NT5DC3: variants seen among roughly 807,000 people sequenced by gnomAD.
NT5DC3 encodes the protein 5'-nucleotidase domain-containing protein 3.
In NT5DC3, 42 loss-of-function variants were observed where a neutral mutation model predicts 67.8. The ratio of observed to expected loss-of-function variants is 0.62; its 90% CI spans 0.48 to 0.80. The LOEUF (loss-of-function observed/expected upper bound fraction) is 0.80, where lower values mean the gene tolerates loss of function less well. Among genes scored for constraint, NT5DC3 ranks in the 30% least tolerant of loss-of-function variants. The pLI, the probability that NT5DC3 is intolerant of heterozygous loss-of-function variation, is 0.00. For synonymous variants in NT5DC3, 237 were observed against 255.6 expected (o/e 0.93, Z 0.69); for missense variants, 570 against 696.4 (o/e 0.82, Z 2.04).
At chr12:103,763,555 T>C in the NT5DC3 span, 1 of 1,614,062 alleles carries the variant, frequency 6.2e-7, no homozygotes, top group African/African-American at 1.3e-5. Context: ...CTCGAACCCC[T>C]TGTATGAGAG....
chr12:103,766,203 C>A, downstream of NT5DC3: 1 of 1,564,658 alleles, frequency 6.4e-7, no homozygotes, highest in Non-Finnish European at 8.8e-7. Flanking sequence ...AGAGTCATGC[C>A]TCAGACCAGT....
At chr12:103,839,669 TG>T (rs1415007008) in intron 1 of NT5DC3, among the ~76,000 whole-genome samples, 1 of 152,222 alleles carries the variant, frequency 6.6e-6, no homozygotes, top group Admixed American at 6.5e-5. Context: ...TCTTAAGACC[TG>T]CAAAATTCCC....
chr12:103,796,853 G>C, intron 6 of NT5DC3, 41 bp downstream of exon 6: 1 of 1,611,378 alleles, frequency 6.2e-7, no homozygotes, highest in Non-Finnish European at 8.5e-7. Context: ...TGAAAAGGCT[G>C]AAACAGACTC....
At chr12:103,753,761 G>C in the NT5DC3 span, among the ~76,000 whole-genome samples, 3 of 152,194 alleles carry the variant, frequency 2.0e-5, no homozygotes, top group Admixed American at 2.0e-4. Flanking sequence ...AGGCAGAAGT[G>C]GAGACTGGAA....
At chr12:103,816,361 C>T (rs1887252391) in intron 1 of NT5DC3, among the ~76,000 whole-genome samples, 2 of 152,212 alleles carry the variant, frequency 1.3e-5, no homozygotes, top group African/African-American at 4.8e-5. Flanking sequence ...TTTAGATTTT[C>T]AGATCAGGTA....
downstream of NT5DC3, chr12:103,768,835 A>G (rs1405923624): frequency 1.3e-5 from 2 of 151,632 alleles, no homozygotes; most frequent in African/African-American, 4.9e-5. Flanking sequence ...CGAAAACACA[A>G]CTCCACATTA....
the NT5DC3 span, chr12:103,755,104 G>A: frequency 7.7e-3 from 4,860 of 632,886 alleles, 198 homozygotes; most frequent in African/African-American, 0.079. Flanking sequence ...AGAAAGAGAG[G>A]ACACTTTTGT....
chr12:103,758,585 C>T, the NT5DC3 span, among the ~76,000 whole-genome samples: 2 of 152,214 alleles, frequency 1.3e-5, no homozygotes, highest in African/African-American at 4.8e-5. Context: ...AGAGTAGGCC[C>T]TGTCCCAACA....
chr12:103,833,575 C>T lies in NT5DC3; in HGVS notation c.208+7374G>A, dbSNP rs576839345. On this transcript the variant is annotated intron_variant, in intron 1 of 13. Transcript: ENST00000392876. ...TTGACTGATTAGTAAATGGTCTCCACCCAGAACTTTGAATAAATCTTTCAA... is the reference window on the plus strand; with the variant it reads ...TTGACTGATTAGTAAATGGTCTCCATCCAGAACTTTGAATAAATCTTTCAA... Among the ~76,000 whole-genome samples, 4 of 152,194 alleles carry T rather than the reference C, an allele frequency of 2.6e-5. No individual in the cohort carries two copies. The South Asian group carries it at 8.3e-4, about 32-fold the overall frequency.
the NT5DC3 span, among the ~76,000 whole-genome samples, chr12:103,759,971 T>C: frequency 6.6e-6 from 1 of 152,204 alleles, no homozygotes; most frequent in African/African-American, 2.4e-5. Context: ...AATAAAGAGC[T>C]TTAGGCTAAG....
the NT5DC3 span, chr12:103,759,185 T>G: frequency 6.2e-7 from 1 of 1,614,202 alleles, no homozygotes; most frequent in Non-Finnish European, 8.5e-7. Flanking sequence ...AGCATGTTTT[T>G]CTACAATGAC....
intron 11 of NT5DC3, 53 bp from the exon 12 acceptor site, chr12:103,785,528 A>G: frequency 1.3e-6 from 2 of 1,582,430 alleles, no homozygotes; most frequent in Non-Finnish European, 1.7e-6. Context: ...AATCTAAACT[A>G]TGTCATTATT....
intron 12 of NT5DC3, among the ~76,000 whole-genome samples, chr12:103,785,052 A>T (rs908014775): frequency 9.2e-5 from 14 of 152,192 alleles, no homozygotes; most frequent in Non-Finnish European, 5.9e-5. Context: ...AAGCACTGGC[A>T]GGGCTTCCTG....
chr12:103,777,943 G>C lies in NT5DC3; in HGVS notation c.1533C>G (p.Asp511Glu). The change falls in exon 14 of 14, where the codon GAC becomes GAG. Residue 511 changes from aspartate (D) to glutamate (E), a missense_variant. This residue lies in a region of NT5DC3 where 466 missense variants were observed against 608.0 expected (regional missense o/e 0.77). Transcript: ENST00000392876. ...MASLSCLLNY[D>E]VSHTFYPRRT... ...TCCGGGGGTAGAAAGTGTGGCTGAC[G>C]TCATAGTTCAGGAGGCAGCTCAGAG... 1 of 1,614,228 alleles carries C rather than the reference G, an allele frequency of 6.2e-7. No individual in the cohort carries two copies. The highest frequency in any genetic ancestry group is 8.5e-7 in the Non-Finnish European group (1 of 1,180,048).
At chr12:103,771,682 C>A (rs569638963), downstream of NT5DC3, among the ~76,000 whole-genome samples, 5 of 152,310 alleles carry the variant, frequency 3.3e-5, no homozygotes, top group South Asian at 4.1e-4. Flanking sequence ...CTGGGTTGAG[C>A]TGAGCTCAGG....
At chr12:103,750,692 C>T in the NT5DC3 span, 150 of 1,614,014 alleles carry the variant, frequency 9.3e-5, no homozygotes, top group African/African-American at 1.3e-4. Flanking sequence ...GCCATGCAGA[C>T]GCCAAATGTG....
downstream of NT5DC3, chr12:103,766,701 T>G (rs528116907): frequency 3.1e-5 from 6 of 194,768 alleles, 1 homozygote; most frequent in South Asian, 6.8e-4. Context: ...ACAATAAAGG[T>G]TTATGGAACA....
At chr12:103,792,826 T>G (rs1234749752) in intron 9 of NT5DC3, among the ~76,000 whole-genome samples, 1 of 152,222 alleles carries the variant, frequency 6.6e-6, no homozygotes, top group Non-Finnish European at 1.5e-5. Flanking sequence ...GTTGCTGCTG[T>G]TGTTTTCTGA....
At chr12:103,746,941 TTTTC>T in the NT5DC3 span, among the ~76,000 whole-genome samples, 3 of 141,864 alleles carry the variant, frequency 2.1e-5, no homozygotes, top group South Asian at 2.3e-4. Flanking sequence ...TTTAGAATGT[TTTTC>T]TTTCTTTTTT....
Sources: gnomAD v4.1 joint callset for allele counts (sites outside exome capture counted in the v4.1 genomes callset) on GRCh38, gnomAD v4.1.1 for gene constraint, gnomAD v4.1.1 regional missense constraint, MANE v1.5 for transcripts, NCBI Gene and HGNC (gene_info 2026-07-23, HGNC 2026-07-21) for gene names.